The following SIN3A variants were observed in gnomAD, a reference collection of about 807,000 sequenced individuals.
The protein encoded by SIN3A is paired amphipathic helix protein Sin3a.
A neutral mutation model predicts 146.1 loss-of-function variants in SIN3A; 14 were observed. The observed-to-expected ratio is 0.10, with a 90% CI of 0.06 to 0.15. The LOEUF (loss-of-function observed/expected upper bound fraction) is 0.15. Among genes scored for constraint, SIN3A ranks in the 10% least tolerant of loss-of-function variants. The pLI is 1.00. For synonymous variants in SIN3A, 572 were observed against 572.0 expected, an observed-to-expected ratio of 1.00 and a Z score of 0.00; for missense variants, 1,028 against 1,576.0, an observed-to-expected ratio of 0.65 and a Z score of 5.89.
intron 6 of SIN3A, among the ~76,000 whole-genome samples, chr15:75,410,511 C>T (rs1021937960): frequency 1.3e-5 from 2 of 151,762 alleles, no homozygotes; most frequent in South Asian, 2.1e-4. Context: ...ATTTTTGAGA[C>T]GGAGTTTCAC....
intron 3 of SIN3A, chr15:75,419,576 C>G (rs895477724): frequency 3.3e-5 from 5 of 151,770 alleles, no homozygotes; most frequent in African/African-American, 4.8e-5. Flanking sequence ...TCCTAGTACT[C>G]TGGGAGGCCA....
intron 1 of SIN3A, among the ~76,000 whole-genome samples, chr15:75,430,776 GCTT>G (rs761066335): frequency 1.2e-3 from 185 of 151,736 alleles, no homozygotes; most frequent in Non-Finnish European, 2.2e-3. Flanking sequence ...ATATTCAAGT[GCTT>G]CTTCTTTTTT....
At chr15:75,434,416 G>C (rs970883762) in intron 1 of SIN3A, among the ~76,000 whole-genome samples, 1 of 152,136 alleles carries the variant, frequency 6.6e-6, no homozygotes, top group Non-Finnish European at 1.5e-5. Flanking sequence ...TTGGGAGGCC[G>C]AGGCAGGCGG....
chr15:75,413,454 A>G (rs1406778148), intron 4 of SIN3A, among the ~76,000 whole-genome samples: 1 of 152,224 alleles, frequency 6.6e-6, no homozygotes, highest in African/African-American at 2.4e-5. Context: ...CTAAACAGGA[A>G]AACAGATCAT....
intron 3 of SIN3A, among the ~76,000 whole-genome samples, chr15:75,418,320 G>A (rs1007043009): frequency 1.3e-5 from 2 of 150,888 alleles, no homozygotes; most frequent in African/African-American, 4.9e-5. Flanking sequence ...GTAAGCCACT[G>A]CGTCTGGCCT....
At chr15:75,382,764 T>A (rs1158784494) in intron 17 of SIN3A, among the ~76,000 whole-genome samples, 2 of 152,094 alleles carry the variant, frequency 1.3e-5, no homozygotes, top group Non-Finnish European at 2.9e-5. Context: ...CTGCCCAACA[T>A]GGTGAAACCA....
chr15:75,448,635 A>T (rs1404240909), intron 1 of SIN3A, among the ~76,000 whole-genome samples: 1 of 152,352 alleles, frequency 6.6e-6, no homozygotes, highest in East Asian at 1.9e-4. Flanking sequence ...AGGCCTACAG[A>T]AAGTAAAGCT....
At chr15:75,453,203 C>G (rs1364505185), upstream of SIN3A, 1 of 152,644 alleles carries the variant, frequency 6.6e-6, no homozygotes, top group East Asian at 1.9e-4. Context: ...CGGCCAGGAA[C>G]GAGCTCTGGC....
Position 75,381,809 on chromosome 15 carries a change from G to T in SIN3A, c.3196-104C>A. The T allele has an allele frequency of 5.2e-6, 5 of 967,232 alleles. No homozygotes were observed. The Middle Eastern group carries it at 8.4e-4, about 163-fold the overall frequency. 59.9% of individuals were successfully genotyped at this position (967,232 alleles called of 1,614,324 possible). A position where few individuals can be genotyped will look rare whatever the true frequency, so the allele number is the denominator to read the frequency against. The stretch of plus-strand genomic sequence containing the variant: ...AGAGGCAATAAACTTAGTAAACTTT[G>T]CTCCAACTGAAGAGATGAGGAAGAT... On this transcript the variant is annotated intron_variant, in intron 17 of 20. Transcript: ENST00000394947.
chr15:75,372,185 G>T lies in SIN3A; in HGVS notation c.3616C>A (p.Leu1206Ile). 1 of 1,611,448 alleles carries T rather than the reference G, an allele frequency of 6.2e-7. No individual in the cohort carries two copies. The highest frequency in any genetic ancestry group is 8.5e-7 in the Non-Finnish European group (1 of 1,178,142). ...ACCCAGGCCTGGAATCTCTGATGTA[G>T]ACGCTTGCTTACACGCTCATGGGAC... ...HQSHERVSKR[L>I]HQRFQAWVDK... Residue 1206 changes from leucine to isoleucine, a missense_variant, in exon 21 of 21, where the codon CTA (leucine) becomes ATA (isoleucine). Physicochemically the swap from Leu to Ile is conservative, Grantham distance 5. Around this residue, in one of 9 missense-constraint regions of SIN3A, gnomAD observed 488 missense variants for 690.2 expected, o/e 0.71. Transcript: ENST00000394947.
In SIN3A at chr15:75,440,378, T is replaced by C. The variant is rs147313421; in HGVS notation, c.-33-9970A>G. Among the ~76,000 whole-genome samples, 919 of 151,636 alleles carry C rather than the reference T, an allele frequency of 6.1e-3. 15 individuals carry two copies. Among genetic ancestry groups the C allele is most frequent in the African/African-American group, 0.021 (851 of 41,424 alleles). On this transcript the variant is annotated intron_variant, in intron 1 of 20. Transcript: ENST00000394947. The stretch of plus-strand genomic sequence containing the variant: ...CCCAAAGCAGCTGGAATTACAGGTG[T>C]GTGCCACTACACCTGGCTAATTTTT...
chr15:75,445,702 G>A (rs1453830126), intron 1 of SIN3A, among the ~76,000 whole-genome samples: 1 of 141,048 alleles, frequency 7.1e-6, no homozygotes, highest in South Asian at 2.3e-4. Context: ...AATGAGCCGA[G>A]ATAGTACCAC....
intron 9 of SIN3A, 47 bp downstream of exon 9, chr15:75,407,008 T>C: frequency 7.6e-7 from 1 of 1,322,566 alleles, no homozygotes; most frequent in Non-Finnish European, 1.1e-6. Context: ...GATGATTTTC[T>C]TTTGGCATTA....
intron 1 of SIN3A, among the ~76,000 whole-genome samples, chr15:75,440,168 T>A (rs929936723): frequency 1.3e-5 from 2 of 150,942 alleles, no homozygotes; most frequent in African/African-American, 4.9e-5. Context: ...AATAAATAAA[T>A]AAATAACTTT....
At chr15:75,406,175 G>C (rs1465220333) in intron 9 of SIN3A, among the ~76,000 whole-genome samples, 2 of 152,200 alleles carry the variant, frequency 1.3e-5, no homozygotes, top group Non-Finnish European at 2.9e-5. Flanking sequence ...CTACCCTGAT[G>C]AAAGTTTCCT....
intron 1 of SIN3A, among the ~76,000 whole-genome samples, chr15:75,441,338 G>T (rs1170871708): frequency 6.6e-6 from 1 of 151,928 alleles, no homozygotes; most frequent in Non-Finnish European, 1.5e-5. Context: ...AAAAAACAGG[G>T]TCTTGCTCTA....
At chr15:75,449,881 G>A (rs2074371579) in intron 1 of SIN3A, among the ~76,000 whole-genome samples, 1 of 152,198 alleles carries the variant, frequency 6.6e-6, no homozygotes, top group Admixed American at 6.5e-5. Flanking sequence ...CCGGGTTCAA[G>A]TGATTCTCCT....
chr15:75,437,038 C>CT (rs1025850268), intron 1 of SIN3A, among the ~76,000 whole-genome samples: 7 of 152,188 alleles, frequency 4.6e-5, no homozygotes, highest in African/African-American at 1.4e-4. Context: ...TAAGACATGC[C>CT]TGGCCCTGTG....
intron 2 of SIN3A, among the ~76,000 whole-genome samples, chr15:75,425,283 G>A (rs2073906261): frequency 6.6e-6 from 1 of 152,178 alleles, no homozygotes; most frequent in African/African-American, 2.4e-5. Context: ...CGATTCTCCT[G>A]CCTTAGCCTC....
Sources: gnomAD v4.1 joint callset for allele counts (sites outside exome capture counted in the v4.1 genomes callset) on GRCh38, gnomAD v4.1.1 for gene constraint, gnomAD v4.1.1 regional missense constraint, MANE v1.5 for transcripts, NCBI Gene and HGNC (gene_info 2026-07-23, HGNC 2026-07-21) for gene names.